MTARC1: variants seen among roughly 807,000 people sequenced by gnomAD.
MTARC1 encodes the protein mitochondrial amidoxime reducing component 1, also known as mitochondrial amidoxime-reducing component 1.
Under a neutral mutation model 33.6 loss-of-function variants are expected in MTARC1, and 24 were observed. The observed-to-expected ratio is 0.72, with a 90% CI of 0.52 to 1.01. The LOEUF (loss-of-function observed/expected upper bound fraction) is 1.01. Among genes scored for constraint, MTARC1 ranks in the 50% least tolerant of loss-of-function variants. The probability of loss-of-function intolerance (pLI) is 0.00; values close to 1 mark genes in which losing one functional copy is unlikely to be tolerated. For missense variants in MTARC1, 417 were observed against 445.7 expected (o/e 0.94, Z 0.58); for synonymous variants, 187 against 189.5 (o/e 0.99, Z 0.11).
intron 4 of MTARC1, among the ~76,000 whole-genome samples, chr1:220,802,434 C>T (rs34404525): frequency 0.11 from 16,567 of 152,284 alleles, 1,110 homozygotes; most frequent in South Asian, 0.16. Flanking sequence ...CGGATTCAAG[C>T]GATTCTCCTG....
chr1:220,803,644 G>A (rs563363595), intron 4 of MTARC1, among the ~76,000 whole-genome samples: 48 of 152,178 alleles, frequency 3.2e-4, no homozygotes, highest in African/African-American at 1.1e-3. Flanking sequence ...TCCAGGTGCT[G>A]TAGGAAGACT....
chr1:220,806,818 G>A (rs1672985974), intron 6 of MTARC1, among the ~76,000 whole-genome samples: 1 of 152,200 alleles, frequency 6.6e-6, no homozygotes. Context: ...AGGTGGCCAT[G>A]AGGGCCTAGG....
chr1:220,812,926 G>A (rs774568886), intron 6 of MTARC1, among the ~76,000 whole-genome samples: 9 of 152,008 alleles, frequency 5.9e-5, no homozygotes, highest in Non-Finnish European at 1.0e-4. Context: ...AGGTTTCACC[G>A]TGTTAGTCAG....
chr1:220,799,211 T>C (rs1672712276), intron 4 of MTARC1: 2 of 973,774 alleles, frequency 2.1e-6, no homozygotes, highest in South Asian at 9.5e-5. Context: ...TCATATAAAA[T>C]ACTCATTGCT....
At position 220,796,679 on chromosome 1, in the gene MTARC1, C is replaced by G; in HGVS notation, c.486C>G (p.Gly162=). The G allele has an allele frequency of 1.9e-6, 3 of 1,611,024 alleles. No individual in the cohort carries two copies. Among genetic ancestry groups the G allele is most frequent in the Non-Finnish European group, 2.5e-6 (3 of 1,178,786 alleles). Residue 162 remains glycine, a synonymous_variant, in exon 3 of 7, where the codon GGC becomes GGG. Coordinates refer to ENST00000366910, the MANE Select transcript of MTARC1 (RefSeq NM_022746.4). ...HGLEIEGRDC[G]EATAQWITSF... is the part of the protein sequence containing the mutation. ...TGGAGATAGAGGGCAGGGACTGTGG[C>G]GAGGCCACCGCCCAGTGGATAACCA...
chr1:220,801,219 T>C (rs1294447560), intron 4 of MTARC1, among the ~76,000 whole-genome samples: 2 of 152,016 alleles, frequency 1.3e-5, no homozygotes, highest in African/African-American at 4.8e-5. Context: ...GCCCCAGCCA[T>C]ACTGGCCTTT....
chr1:220,813,047 C>T (rs1429633278), intron 6 of MTARC1, among the ~76,000 whole-genome samples: 2 of 152,082 alleles, frequency 1.3e-5, no homozygotes, highest in African/African-American at 2.4e-5. Context: ...GTCTTAATGC[C>T]GAAAGGGGGA....
chr1:220,809,846 G>T (rs569544040), intron 6 of MTARC1, among the ~76,000 whole-genome samples: 3 of 152,336 alleles, frequency 2.0e-5, no homozygotes, highest in South Asian at 2.1e-4. Flanking sequence ...CTCAGGAATG[G>T]CTTCTGCCGC....
intron 2 of MTARC1, chr1:220,794,239 T>A (rs575494166): frequency 6.6e-6 from 1 of 150,742 alleles, no homozygotes; most frequent in South Asian, 2.1e-4. Flanking sequence ...CTTGGTGGGC[T>A]GTAAGGGTTT....
intron 2 of MTARC1, chr1:220,793,699 G>A (rs1484933827): frequency 6.6e-6 from 1 of 152,142 alleles, no homozygotes; most frequent in Non-Finnish European, 1.5e-5. Flanking sequence ...CAGAATTAGG[G>A]ACTTTGGCTA....
At chr1:220,799,579 C>T (rs1672722403) in intron 4 of MTARC1, among the ~76,000 whole-genome samples, 1 of 152,144 alleles carries the variant, frequency 6.6e-6, no homozygotes, top group Non-Finnish European at 1.5e-5. Flanking sequence ...TCTTCTATGC[C>T]TCACGGCAGC....
At chr1:220,788,096 G>A (rs1311245550) in intron 1 of MTARC1, among the ~76,000 whole-genome samples, 3 of 152,182 alleles carry the variant, frequency 2.0e-5, no homozygotes, top group African/African-American at 7.2e-5. Flanking sequence ...GCACTCTTGT[G>A]GATAAAGAAG....
intron 2 of MTARC1, among the ~76,000 whole-genome samples, chr1:220,792,948 T>C (rs59234976): frequency 0.13 from 19,874 of 152,156 alleles, 2,171 homozygotes; most frequent in African/African-American, 0.28. Flanking sequence ...TTCCAGGTAT[T>C]AAGAAGAATG....
intron 2 of MTARC1, among the ~76,000 whole-genome samples, chr1:220,794,905 A>T (rs1672558309): frequency 6.6e-6 from 1 of 152,228 alleles, no homozygotes; most frequent in Non-Finnish European, 1.5e-5. Flanking sequence ...ACGCTTCAAT[A>T]AAAAGTTTTT....
chr1:220,799,179 G>A (rs776874864), intron 4 of MTARC1: 26 of 984,424 alleles, frequency 2.6e-5, no homozygotes, highest in East Asian at 2.3e-4. Context: ...ATAAAAGTAC[G>A]CCCAAATCCA....
chr1:220,798,345 T>C, intron 4 of MTARC1: 1 of 1,218,048 alleles, frequency 8.2e-7, no homozygotes, highest in South Asian at 1.5e-5. Flanking sequence ...AAAGAAAGTG[T>C]GTGCTCCTGT....
chr1:220,803,004 A>G (rs1672863210), intron 4 of MTARC1, among the ~76,000 whole-genome samples: 1 of 152,206 alleles, frequency 6.6e-6, no homozygotes, highest in South Asian at 2.1e-4. Flanking sequence ...ATTCCTCTGT[A>G]ACCTTGCCAC....
intron 6 of MTARC1, among the ~76,000 whole-genome samples, chr1:220,808,661 C>A (rs568588626): frequency 2.0e-5 from 3 of 152,294 alleles, no homozygotes; most frequent in Non-Finnish European, 4.4e-5. Context: ...AGCTGGGAGA[C>A]CTCTGTGCCT....
At chr1:220,789,795 T>C (rs72470585) in intron 1 of MTARC1, among the ~76,000 whole-genome samples, 2,401 of 152,280 alleles carry the variant, frequency 0.016, 51 homozygotes, top group Admixed American at 0.048. Context: ...ATAATACTAA[T>C]TGAAATAAGC....
Sources: gnomAD v4.1 joint callset for allele counts (sites outside exome capture counted in the v4.1 genomes callset) on GRCh38, gnomAD v4.1.1 for gene constraint, MANE v1.5 for transcripts, NCBI Gene and HGNC (gene_info 2026-07-23, HGNC 2026-07-21) for gene names.